The following ADAMTSL1 variants were observed in gnomAD, a reference collection of about 807,000 sequenced individuals.
ADAMTSL1 encodes the protein ADAMTS-like protein 1.
A neutral mutation model predicts 201.8 loss-of-function variants in ADAMTSL1; 126 were observed. The observed-to-expected ratio is 0.62, with a 90% CI of 0.54 to 0.72. The LOEUF (loss-of-function observed/expected upper bound fraction) is 0.72, where lower values mean the gene tolerates loss of function less well. Among genes scored for constraint, ADAMTSL1 ranks in the 30% least tolerant of loss-of-function variants. The probability of loss-of-function intolerance (pLI) is 0.00; values close to 1 mark genes in which losing one functional copy is unlikely to be tolerated. For missense variants in ADAMTSL1, 2,679 were observed against 2,277.8 expected (o/e 1.18, Z -3.59); for synonymous variants, 1,121 against 903.4 (o/e 1.24, Z -4.32).
At chr9:17,977,549 C>T (rs1818504900) in intron 1 of ADAMTSL1, among the ~76,000 whole-genome samples, 1 of 151,838 alleles carries the variant, frequency 6.6e-6, no homozygotes, top group Non-Finnish European at 1.5e-5. Context: ...GAAATTTATC[C>T]ACTTTTTTAT....
rs527434420 is a variant in ADAMTSL1, at chr9:18,807,136, G to A, written c.3806-9973G>A. 8.7e-4 allele frequency among the ~76,000 whole-genome samples: 132 copies of A among 152,220 alleles called. 3 individuals carry two copies. The South Asian group carries it at 0.013, about 15-fold the overall frequency. On this transcript the variant is annotated intron_variant, in intron 20 of 28. Transcript: ENST00000380548. The stretch of plus-strand genomic sequence containing the variant: ...CATATTGGGCCTGATAAATTGAAAC[G>A]CTTGCCTTTATTTCGGTTTCCTTAT...
At chr9:18,326,038 G>A (rs867549198) in intron 2 of ADAMTSL1, among the ~76,000 whole-genome samples, 4 of 152,154 alleles carry the variant, frequency 2.6e-5, no homozygotes, top group East Asian at 3.9e-4. Flanking sequence ...CACCATGCCC[G>A]GCCTAAAAGG....
chr9:17,934,616 A>G (rs1826928278), intron 1 of ADAMTSL1, among the ~76,000 whole-genome samples: 1 of 152,090 alleles, frequency 6.6e-6, no homozygotes, highest in Admixed American at 6.6e-5. Context: ...TTGGATGAAT[A>G]TTTTGTAGCT....
chr9:18,291,747 TCACA>T lies in ADAMTSL1; in HGVS notation c.207+127795_207+127798del, dbSNP rs368988848. 2.8e-4 allele frequency among the ~76,000 whole-genome samples: 28 copies of T among 99,864 alleles called. No homozygotes were observed. The South Asian group carries it at 2.9e-3, about 10-fold the overall frequency. 65.5% of individuals were successfully genotyped at this position (99,864 alleles called of 152,430 possible). A position where few individuals can be genotyped will look rare whatever the true frequency, so the allele number is the denominator to read the frequency against. ...CTCTCTCTCTCTCTCTCTCTCTCTC[TCACA>T]CACACACACACACACACACACACAC... On this transcript the variant is annotated intron_variant, in intron 2 of 29. Transcript: ENST00000680146.
intron 1 of ADAMTSL1, among the ~76,000 whole-genome samples, chr9:17,978,228 G>T (rs1336092412): frequency 6.6e-6 from 1 of 152,172 alleles, no homozygotes; most frequent in East Asian, 1.9e-4. Context: ...GAGGCATATA[G>T]TTTGGTTATT....
chr9:18,477,669 T>G (rs113018992), intron 1 of ADAMTSL1, among the ~76,000 whole-genome samples: 1 of 152,226 alleles, frequency 6.6e-6, no homozygotes, highest in African/African-American at 2.4e-5. Flanking sequence ...AAATCAAGCT[T>G]GAAGACTTTT....
chr9:18,835,005 A>T (rs7874702), intron 23 of ADAMTSL1, among the ~76,000 whole-genome samples: 20,769 of 152,178 alleles, frequency 0.14, 1,544 homozygotes, highest in East Asian at 0.3. Flanking sequence ...GACTTGCTCG[A>T]ATCATAGGTA....
chr9:18,263,707 G>C (rs1208876898), intron 2 of ADAMTSL1, among the ~76,000 whole-genome samples: 2 of 152,154 alleles, frequency 1.3e-5, no homozygotes, highest in Non-Finnish European at 2.9e-5. Flanking sequence ...GGTTAAATTA[G>C]TCATAAGGGT....
intron 23 of ADAMTSL1, 101 bp from the exon 24 acceptor site, chr9:18,887,730 T>C: frequency 9.4e-7 from 1 of 1,065,930 alleles, no homozygotes; most frequent in Admixed American, 2.1e-5. Context: ...AAGGCCACAT[T>C]GTGTGTACAA....
At chr9:18,388,525 T>C (rs1395254234) in intron 2 of ADAMTSL1, among the ~76,000 whole-genome samples, 3 of 152,036 alleles carry the variant, frequency 2.0e-5, no homozygotes, top group African/African-American at 4.8e-5. Context: ...CTGCCTGCCT[T>C]TGCCTTCCAA....
intron 2 of ADAMTSL1, among the ~76,000 whole-genome samples, chr9:18,202,382 A>G (rs966025637): frequency 3.3e-5 from 5 of 152,240 alleles, no homozygotes; most frequent in Non-Finnish European, 5.9e-5. Context: ...TCATTCAGAC[A>G]GTAGTTAATG....
At chr9:18,653,069 T>G (rs918706753) in intron 7 of ADAMTSL1, among the ~76,000 whole-genome samples, 8 of 152,242 alleles carry the variant, frequency 5.3e-5, no homozygotes, top group Admixed American at 2.0e-4. Context: ...CTTTTGCTGA[T>G]AGATGCCAAG....
At chr9:18,752,666 C>T (rs1231691948) in intron 15 of ADAMTSL1, among the ~76,000 whole-genome samples, 1 of 152,202 alleles carries the variant, frequency 6.6e-6, no homozygotes, top group Non-Finnish European at 1.5e-5. Context: ...TTGAGTGCTA[C>T]ATCCAGATAA....
chr9:18,598,162 C>T (rs1399671409), intron 4 of ADAMTSL1, among the ~76,000 whole-genome samples: 12 of 152,158 alleles, frequency 7.9e-5, no homozygotes, highest in Admixed American at 3.3e-4. Context: ...AACCTCTCTA[C>T]AAAGCTAATC....
chr9:18,817,289 T>G (rs1357924476), intron 21 of ADAMTSL1, 52 bp downstream of exon 21: 3 of 1,521,988 alleles, frequency 2.0e-6, no homozygotes, highest in Non-Finnish European at 2.7e-6. Context: ...CTGTGCTAGG[T>G]TGGGGATACA....
chr9:18,679,516 C>G (rs944425879), intron 10 of ADAMTSL1, among the ~76,000 whole-genome samples: 3 of 152,110 alleles, frequency 2.0e-5, no homozygotes, highest in African/African-American at 7.2e-5. Flanking sequence ...ATGGAAGTCT[C>G]TTAAATGTTT....
At chr9:18,322,344 T>G (rs545999263) in intron 2 of ADAMTSL1, among the ~76,000 whole-genome samples, 7 of 152,278 alleles carry the variant, frequency 4.6e-5, no homozygotes, top group South Asian at 4.2e-4. Context: ...TGTTAAACCA[T>G]TAGCAGTACC....
At position 18,289,841 on chromosome 9, in the gene ADAMTSL1, C is replaced by G. The variant is rs572360523; in HGVS notation, c.207+125860C>G. Among the ~76,000 whole-genome samples the G allele has an allele frequency of 1.9e-3, 293 of 152,326 alleles. 1 individual carries two copies. Among genetic ancestry groups the G allele is most frequent in the African/African-American group, 6.9e-3 (286 of 41,578 alleles). On this transcript the variant is annotated intron_variant, in intron 2 of 29. Coordinates refer to the ADAMTSL1 transcript ENST00000680146. ...CTTGACTTCTCAAGACAGGCTGGAA[C>G]TTTCAGCAAAGTTTCCAGTTTATAA...
intron 2 of ADAMTSL1, among the ~76,000 whole-genome samples, chr9:18,529,960 C>A (rs1819336411): frequency 1.3e-5 from 2 of 152,138 alleles, no homozygotes; most frequent in South Asian, 4.1e-4. Flanking sequence ...GTATTTAAAT[C>A]CATCTTTTAC....
Sources: allele counts gnomAD v4.1 joint callset (sites outside exome capture counted in the v4.1 genomes callset), GRCh38; gene constraint gnomAD v4.1.1; transcripts MANE v1.5; gene names NCBI Gene and HGNC (gene_info 2026-07-23, HGNC 2026-07-21).